Variants in EYS observed in about 807,000 individuals in gnomAD.
EYS encodes the protein protein eyes shut homolog.
Under a neutral mutation model 282.1 loss-of-function variants are expected in EYS, and 250 were observed. The ratio of observed to expected loss-of-function variants is 0.89; its 90% CI spans 0.80 to 0.98. EYS has a LOEUF of 0.98. Ranked by LOEUF, EYS falls within the 50% of genes least tolerant of loss-of-function variation. The probability of loss-of-function intolerance (pLI) is 0.00; values close to 1 mark genes in which losing one functional copy is unlikely to be tolerated. For missense variants in EYS, 4,016 were observed against 3,709.0 expected, an observed-to-expected ratio of 1.08 and a Z score of -2.15; for synonymous variants, 1,355 against 1,282.9, an observed-to-expected ratio of 1.06 and a Z score of -1.20.
chr6:64,294,795 A>T (rs368411810), intron 30 of EYS, among the ~76,000 whole-genome samples: 1 of 152,226 alleles, frequency 6.6e-6, no homozygotes, highest in African/African-American at 2.4e-5. Flanking sequence ...AATTTAAAAA[A>T]TTAAGATTAT....
In EYS at chr6:65,541,870, G is replaced by A. The variant is rs1556393; in HGVS notation, c.-332-45877C>T. On this transcript the variant is annotated intron_variant, in intron 2 of 42. Coordinates refer to ENST00000503581, the MANE Select transcript of EYS (RefSeq NM_001142800.2). ...CAGAACATTTAAGAAATGAGTGATTGTATATTAGCCAAGTGCTCACCATCA... is the reference window on the plus strand; with the variant it reads ...CAGAACATTTAAGAAATGAGTGATTATATATTAGCCAAGTGCTCACCATCA... Among the ~76,000 whole-genome samples, 209 of 152,172 alleles carry A rather than the reference G, an allele frequency of 1.4e-3. 3 individuals are homozygous for A. Among genetic ancestry groups the A allele is most frequent in the African/African-American group, 4.4e-3 (184 of 41,522 alleles).
intron 24 of EYS, among the ~76,000 whole-genome samples, chr6:64,613,678 C>T (rs1041993410): frequency 1.3e-5 from 2 of 152,062 alleles, no homozygotes; most frequent in Non-Finnish European, 2.9e-5. Context: ...TGATGAAATG[C>T]TGGAGGCTCA....
intron 28 of EYS, among the ~76,000 whole-genome samples, chr6:64,425,731 T>C (rs780646495): frequency 6.0e-5 from 9 of 149,422 alleles, no homozygotes; most frequent in Non-Finnish European, 1.2e-4. Context: ...AATAAGTAGA[T>C]GTAAGACGAA....
In EYS at chr6:64,655,284, C is replaced by T. The variant is rs115433718; in HGVS notation, c.3444-29039G>A. ...CATTAAGAGAGATGATTGATTTTAC[C>T]GTGAAATATTTTTTATTTTGATAAA... On this transcript the variant is annotated intron_variant, in intron 22 of 42. Coordinates refer to ENST00000503581, the MANE Select transcript of EYS (RefSeq NM_001142800.2). 4.1e-3 allele frequency among the ~76,000 whole-genome samples: 627 copies of T among 151,990 alleles called. 9 individuals are homozygous for T. The highest frequency in any genetic ancestry group is 0.014 in the African/African-American group (587 of 41,452).
intron 29 of EYS, among the ~76,000 whole-genome samples, chr6:64,343,975 G>C (rs989682168): frequency 6.6e-6 from 1 of 151,970 alleles, no homozygotes; most frequent in African/African-American, 2.4e-5. Context: ...ATAAATTCCT[G>C]GACACATACA....
intron 22 of EYS, chr6:64,631,517 T>C (rs1767782091): frequency 6.6e-6 from 1 of 152,188 alleles, no homozygotes; most frequent in South Asian, 2.1e-4. Context: ...ACAGCTGCTT[T>C]TATTTCACAT....
At chr6:64,496,847 T>C (rs1776904933) in intron 26 of EYS, among the ~76,000 whole-genome samples, 1 of 152,112 alleles carries the variant, frequency 6.6e-6, no homozygotes, top group Non-Finnish European at 1.5e-5. Context: ...CAAGTTTATA[T>C]TTTTGTCTTG....
intron 12 of EYS, among the ~76,000 whole-genome samples, chr6:65,214,872 T>C (rs1582025565): frequency 6.6e-6 from 1 of 152,128 alleles, no homozygotes; most frequent in East Asian, 1.9e-4. Context: ...CTACTCTGCT[T>C]GTGCACTATA....
At chr6:64,860,835 A>G (rs1459510414) in intron 19 of EYS, among the ~76,000 whole-genome samples, 2 of 152,196 alleles carry the variant, frequency 1.3e-5, no homozygotes, top group African/African-American at 4.8e-5. Context: ...GAGCAATAGA[A>G]CAGCTCAGAG....
chr6:65,577,957 G>A (rs1252789510), intron 2 of EYS, among the ~76,000 whole-genome samples: 1 of 151,674 alleles, frequency 6.6e-6, no homozygotes, highest in African/African-American at 2.4e-5. Flanking sequence ...GTTAAGAAAA[G>A]GGAACAACTG....
At chr6:65,347,420 T>C (rs960345104) in intron 9 of EYS, among the ~76,000 whole-genome samples, 1 of 151,810 alleles carries the variant, frequency 6.6e-6, no homozygotes, top group African/African-American at 2.4e-5. Flanking sequence ...AAGTAAAATG[T>C]TTGTGCAGTG....
intron 12 of EYS, among the ~76,000 whole-genome samples, chr6:65,064,875 T>G (rs1773697738): frequency 6.6e-6 from 1 of 151,996 alleles, no homozygotes; most frequent in African/African-American, 2.4e-5. Context: ...AGCTGGGAAG[T>G]GAGTACCTAA....
At chr6:64,236,615 C>T (rs1354723332) in intron 30 of EYS, among the ~76,000 whole-genome samples, 4 of 152,006 alleles carry the variant, frequency 2.6e-5, no homozygotes, top group African/African-American at 7.2e-5. Flanking sequence ...ACTTTTAAAA[C>T]ACTATTTAAT....
chr6:64,709,437 C>A (rs536537008), intron 22 of EYS, among the ~76,000 whole-genome samples: 1 of 151,964 alleles, frequency 6.6e-6, no homozygotes, highest in Non-Finnish European at 1.5e-5. Context: ...AATATTTTTT[C>A]TCTCTTTATA....
intron 22 of EYS, among the ~76,000 whole-genome samples, chr6:64,763,240 A>G (rs1287827039): frequency 6.6e-6 from 1 of 152,182 alleles, no homozygotes; most frequent in East Asian, 1.9e-4. Context: ...GAACTAACTG[A>G]GAGTGGGTAT....
intron 31 of EYS, among the ~76,000 whole-genome samples, chr6:64,198,687 TG>T: frequency 6.6e-6 from 1 of 152,340 alleles, no homozygotes; most frequent in South Asian, 2.1e-4. Context: ...TAGTATTCCA[TG>T]GTGTATATGT....
chr6:63,993,138 C>T (rs1199533741), intron 34 of EYS, among the ~76,000 whole-genome samples: 1 of 151,630 alleles, frequency 6.6e-6, no homozygotes, highest in Non-Finnish European at 1.5e-5. Flanking sequence ...AATTTGAACT[C>T]TTTCATGAAA....
intron 12 of EYS, among the ~76,000 whole-genome samples, chr6:65,141,043 G>T (rs866378146): frequency 6.6e-6 from 1 of 151,652 alleles, no homozygotes; most frequent in African/African-American, 2.4e-5. Flanking sequence ...ACATGCACAC[G>T]TATGTTTATT....
intron 35 of EYS, among the ~76,000 whole-genome samples, chr6:63,967,104 A>G (rs1766345486): frequency 6.6e-6 from 1 of 152,188 alleles, no homozygotes; most frequent in African/African-American, 2.4e-5. Context: ...GTGTCACTTG[A>G]ACACGAGTTC....
Sources: gnomAD v4.1 joint callset for allele counts (sites outside exome capture counted in the v4.1 genomes callset) on GRCh38, gnomAD v4.1.1 for gene constraint, MANE v1.5 for transcripts, NCBI Gene and HGNC (gene_info 2026-07-23, HGNC 2026-07-21) for gene names.